Variants in RBMS3 observed in about 807,000 individuals in gnomAD.
RBMS3 encodes the protein RNA-binding motif, single-stranded-interacting protein 3.
In RBMS3, 27 loss-of-function variants were observed where a neutral mutation model predicts 66.8. That is an observed-to-expected ratio of 0.40 (90% CI 0.30 to 0.56). RBMS3 has a LOEUF of 0.56. Ranked by LOEUF, RBMS3 falls within the 20% of genes least tolerant of loss-of-function variation. The pLI is 0.40. For missense variants in RBMS3, 513 were observed against 549.5 expected, an observed-to-expected ratio of 0.93 and a Z score of 0.66; for synonymous variants, 188 against 183.0, an observed-to-expected ratio of 1.03 and a Z score of -0.22.
intron 10 of RBMS3, among the ~76,000 whole-genome samples, chr3:29,920,793 G>A (rs1449587108): frequency 6.7e-6 from 1 of 149,550 alleles, no homozygotes; most frequent in Non-Finnish European, 1.5e-5. Flanking sequence ...GGCTAACATG[G>A]CGAAACCCCG....
chr3:29,432,109 A>T (rs2041229781), intron 1 of RBMS3, among the ~76,000 whole-genome samples: 1 of 152,132 alleles, frequency 6.6e-6, no homozygotes, highest in South Asian at 2.1e-4. Flanking sequence ...GAAAGCTTGA[A>T]GCTCGCTGCA....
At chr3:29,998,882 A>T (rs1429494406) in intron 14 of RBMS3, among the ~76,000 whole-genome samples, 1 of 152,170 alleles carries the variant, frequency 6.6e-6, no homozygotes, top group Non-Finnish European at 1.5e-5. Context: ...TGTCTAAAAC[A>T]CCAAAAGCAA....
At chr3:29,336,012 C>T (rs1424401014) in intron 1 of RBMS3, among the ~76,000 whole-genome samples, 1 of 152,090 alleles carries the variant, frequency 6.6e-6, no homozygotes, top group Non-Finnish European at 1.5e-5. Flanking sequence ...ACTGATCAGC[C>T]TTTCCGGTTT....
chr3:29,594,443 TC>T (rs959432050), intron 4 of RBMS3, among the ~76,000 whole-genome samples: 4 of 152,164 alleles, frequency 2.6e-5, no homozygotes, highest in African/African-American at 9.7e-5. Flanking sequence ...AGAAAATCAT[TC>T]TGATGTTGCT....
chr3:29,684,499 A>T (rs1160325399), intron 4 of RBMS3, among the ~76,000 whole-genome samples: 2 of 152,198 alleles, frequency 1.3e-5, no homozygotes, highest in Non-Finnish European at 1.5e-5. Flanking sequence ...GTAAAAAAAT[A>T]ACCTCTAGTG....
At chr3:29,621,500 A>G (rs2048863130) in intron 4 of RBMS3, among the ~76,000 whole-genome samples, 1 of 152,178 alleles carries the variant, frequency 6.6e-6, no homozygotes. Context: ...TGATCAAATA[A>G]TGAATGTAAA....
At chr3:29,710,324 A>G (rs548789192) in intron 4 of RBMS3, among the ~76,000 whole-genome samples, 2 of 152,188 alleles carry the variant, frequency 1.3e-5, no homozygotes, top group Non-Finnish European at 2.9e-5. Context: ...AAATAATAAT[A>G]TATCAGTAAT....
At chr3:29,807,406 G>T (rs570030044) in intron 6 of RBMS3, among the ~76,000 whole-genome samples, 1 of 151,976 alleles carries the variant, frequency 6.6e-6, no homozygotes, top group South Asian at 2.1e-4. Flanking sequence ...ATTGGAAGAC[G>T]ATTTTGCACT....
intron 3 of RBMS3, among the ~76,000 whole-genome samples, chr3:29,524,499 T>C (rs1330364361): frequency 1.4e-5 from 2 of 142,484 alleles, no homozygotes; most frequent in Non-Finnish European, 3.0e-5. Flanking sequence ...GCGATCTCGG[T>C]TTACCACAAT....
chr3:29,527,131 G>C (rs149846295), intron 3 of RBMS3, among the ~76,000 whole-genome samples: 4 of 138,268 alleles, frequency 2.9e-5, no homozygotes, highest in Admixed American at 2.4e-4. Flanking sequence ...TGATATCTAG[G>C]AGGACCCAAC....
At chr3:29,313,849 T>A (rs919164791) in intron 1 of RBMS3, among the ~76,000 whole-genome samples, 2 of 151,586 alleles carry the variant, frequency 1.3e-5, no homozygotes, top group Non-Finnish European at 2.9e-5. Flanking sequence ...CAGCCTCAAG[T>A]CTTGGCCTTA....
intron 3 of RBMS3, among the ~76,000 whole-genome samples, chr3:29,508,302 C>G (rs545482395): frequency 2.0e-5 from 3 of 152,090 alleles, no homozygotes; most frequent in African/African-American, 7.2e-5. Flanking sequence ...GCTGCACCCA[C>G]GAACCCATCA....
chr3:29,839,446 T>C (rs972349615), intron 6 of RBMS3, among the ~76,000 whole-genome samples: 3 of 152,228 alleles, frequency 2.0e-5, no homozygotes, highest in African/African-American at 7.2e-5. Flanking sequence ...CCCTTCTTTT[T>C]ATGCTTTTAG....
At chr3:29,901,395 C>T (rs945227097) in intron 10 of RBMS3, among the ~76,000 whole-genome samples, 4 of 151,926 alleles carry the variant, frequency 2.6e-5, no homozygotes, top group South Asian at 2.1e-4. Flanking sequence ...AACACCATCT[C>T]TTTGTGGCCA....
chr3:29,765,354 G>A (rs752072041), intron 6 of RBMS3, among the ~76,000 whole-genome samples: 3 of 151,940 alleles, frequency 2.0e-5, no homozygotes, highest in Non-Finnish European at 2.9e-5. Flanking sequence ...AAGACAGGGA[G>A]TAGGATATCA....
intron 4 of RBMS3, among the ~76,000 whole-genome samples, chr3:29,714,801 A>G (rs2053322019): frequency 6.6e-6 from 1 of 152,102 alleles, no homozygotes. Context: ...ATAGCTCTGA[A>G]AAGATAAAGA....
chr3:29,708,171 TAAG>T (rs1347585694), intron 4 of RBMS3, among the ~76,000 whole-genome samples: 2 of 152,196 alleles, frequency 1.3e-5, no homozygotes, highest in African/African-American at 2.4e-5. Context: ...GTACCTTATA[TAAG>T]AAGAAGACCA....
chr3:29,481,484 T>C (rs1309246052), intron 2 of RBMS3, among the ~76,000 whole-genome samples: 1 of 152,146 alleles, frequency 6.6e-6, no homozygotes. Flanking sequence ...GTATAATGGC[T>C]TTCTTGGGTG....
intron 4 of RBMS3, among the ~76,000 whole-genome samples, chr3:29,706,028 T>A (rs1453552008): frequency 9.2e-5 from 14 of 152,214 alleles, no homozygotes; most frequent in Admixed American, 6.5e-4. Flanking sequence ...AAGCTGGTTC[T>A]AGCAATTGTG....
Sources: allele counts gnomAD v4.1 joint callset (sites outside exome capture counted in the v4.1 genomes callset), GRCh38; gene constraint gnomAD v4.1.1; transcripts MANE v1.5; gene names NCBI Gene and HGNC (gene_info 2026-07-23, HGNC 2026-07-21).